DAB1: variants seen among roughly 807,000 people sequenced by gnomAD.
The protein encoded by DAB1 is disabled homolog 1.
DAB1 carries 15 observed loss-of-function variants against 64.6 expected under a neutral mutation model. The observed-to-expected ratio is 0.23, with a 90% confidence interval of 0.16 to 0.36. The LOEUF (loss-of-function observed/expected upper bound fraction) is 0.36, where lower values mean the gene tolerates loss of function less well. Ranked by LOEUF, DAB1 falls within the 10% of genes least tolerant of loss-of-function variation. The pLI is 1.00. For synonymous variants in DAB1, 235 were observed against 251.9 expected, an observed-to-expected ratio of 0.93 and a Z score of 0.64; for missense variants, 596 against 706.7, an observed-to-expected ratio of 0.84 and a Z score of 1.78.
At chr1:57,142,853 C>T (rs960758176) in intron 3 of DAB1, among the ~76,000 whole-genome samples, 5 of 152,122 alleles carry the variant, frequency 3.3e-5, no homozygotes, top group African/African-American at 4.8e-5. Flanking sequence ...TCCTCCTCAG[C>T]AGATTTGTGG....
intron 14 of DAB1, among the ~76,000 whole-genome samples, chr1:57,007,880 T>C (rs940525113): frequency 1.3e-5 from 2 of 152,120 alleles, no homozygotes; most frequent in Non-Finnish European, 2.9e-5. Context: ...AAATTTTCAG[T>C]TGGGTGGATG....
At chr1:57,553,476 G>GAAA (rs2101483480) in intron 7 of DAB1, among the ~76,000 whole-genome samples, 1 of 69,452 alleles carries the variant, frequency 1.4e-5, no homozygotes, top group South Asian at 7.6e-4. Flanking sequence ...GGGAAAGAAA[G>GAAA]GAAGGAAGGA....
intron 7 of DAB1, among the ~76,000 whole-genome samples, chr1:57,491,038 G>A (rs551030309): frequency 3.7e-4 from 56 of 152,270 alleles, no homozygotes; most frequent in Admixed American, 1.0e-3. Flanking sequence ...CATAGGCTTC[G>A]GATCCAATTC....
chr1:58,358,434 A>T (rs1300040199), intron 3 of DAB1, among the ~76,000 whole-genome samples: 1 of 152,230 alleles, frequency 6.6e-6, no homozygotes, highest in Non-Finnish European at 1.5e-5. Flanking sequence ...AAGCACTGCC[A>T]CCAACATCTA....
chr1:58,336,928 C>A (rs555059171), intron 4 of DAB1, among the ~76,000 whole-genome samples: 1 of 152,010 alleles, frequency 6.6e-6, no homozygotes, highest in East Asian at 1.9e-4. Flanking sequence ...GAATGCAGTG[C>A]CTAAAACTTG....
At chr1:58,064,215 T>C (rs1164697510) in intron 5 of DAB1, among the ~76,000 whole-genome samples, 1 of 152,148 alleles carries the variant, frequency 6.6e-6, no homozygotes, top group Non-Finnish European at 1.5e-5. Context: ...ACAAACTATT[T>C]GCTGGGACCA....
chr1:57,991,040 G>A (rs545531839), intron 5 of DAB1, among the ~76,000 whole-genome samples: 34 of 152,150 alleles, frequency 2.2e-4, no homozygotes, highest in Non-Finnish European at 4.6e-4. Flanking sequence ...TGATGCCATC[G>A]TCAATTCTCA....
At chr1:57,079,145 T>C (rs1462685220) in intron 4 of DAB1, among the ~76,000 whole-genome samples, 2 of 152,198 alleles carry the variant, frequency 1.3e-5, no homozygotes, top group East Asian at 1.9e-4. Flanking sequence ...TATGTGTACA[T>C]AACAAGAGTT....
intron 1 of DAB1, among the ~76,000 whole-genome samples, chr1:57,407,618 C>T (rs554738212): frequency 2.0e-5 from 3 of 152,160 alleles, no homozygotes; most frequent in African/African-American, 4.8e-5. Flanking sequence ...ATTTTTCGGC[C>T]GAGGCCCAGA....
At chr1:57,368,295 T>G (rs1228092690) in intron 1 of DAB1, among the ~76,000 whole-genome samples, 1 of 152,196 alleles carries the variant, frequency 6.6e-6, no homozygotes, top group East Asian at 1.9e-4. Context: ...GACAGGTTCC[T>G]GGGCAAAAGG....
At chr1:57,361,933 T>C (rs887396822) in intron 1 of DAB1, among the ~76,000 whole-genome samples, 2 of 152,278 alleles carry the variant, frequency 1.3e-5, no homozygotes. Context: ...TATAAATATA[T>C]GTATAAGATA....
chr1:58,351,741 T>C (rs1644060336), intron 3 of DAB1, among the ~76,000 whole-genome samples: 2 of 150,370 alleles, frequency 1.3e-5, no homozygotes, highest in South Asian at 4.3e-4. Context: ...AAAAGGAAAA[T>C]TTCAGATTTA....
intron 2 of DAB1, among the ~76,000 whole-genome samples, chr1:58,518,921 TGAG>T (rs1241079920): frequency 6.6e-6 from 1 of 152,134 alleles, no homozygotes; most frequent in Non-Finnish European, 1.5e-5. Context: ...TGAGAAAAGT[TGAG>T]GCACAAAAAG....
chr1:57,565,952 C>T (rs1432705797), intron 7 of DAB1, among the ~76,000 whole-genome samples: 1 of 152,206 alleles, frequency 6.6e-6, no homozygotes, highest in Non-Finnish European at 1.5e-5. Context: ...GAACTCTCCA[C>T]CCCAAATCAA....
At chr1:57,736,149 A>G (rs1015891679) in intron 6 of DAB1, among the ~76,000 whole-genome samples, 1 of 152,190 alleles carries the variant, frequency 6.6e-6, no homozygotes, top group Admixed American at 6.5e-5. Flanking sequence ...TTCTTGGGCT[A>G]CATAGGAAGA....
At chr1:57,953,323 A>G (rs1472780361) in intron 5 of DAB1, among the ~76,000 whole-genome samples, 1 of 152,202 alleles carries the variant, frequency 6.6e-6, no homozygotes, top group Non-Finnish European at 1.5e-5. Flanking sequence ...TGGAAACTAC[A>G]TACTTGACCT....
intron 4 of DAB1, among the ~76,000 whole-genome samples, chr1:58,168,973 G>A (rs1465804500): frequency 1.3e-5 from 2 of 152,142 alleles, no homozygotes; most frequent in African/African-American, 4.8e-5. Context: ...GCAGGTTTTC[G>A]AGAATGCATT....
chr1:57,402,418 T>G (rs1683318428), intron 1 of DAB1, among the ~76,000 whole-genome samples: 1 of 152,228 alleles, frequency 6.6e-6, no homozygotes, highest in Admixed American at 6.5e-5. Flanking sequence ...AAAGATGTGA[T>G]ATGTTACAGT....
rs895584749 is a variant in DAB1, at chr1:58,287,512, G to A, written n.309+55840C>T. Among the ~76,000 whole-genome samples the A allele has an allele frequency of 5.3e-5, 8 of 152,168 alleles. 1 individual carries two copies. The South Asian group carries it at 8.3e-4, about 16-fold the overall frequency. On this transcript the variant is annotated intron_variant and non_coding_transcript_variant, in intron 4 of 20. Transcript: ENST00000485760. ...ATGAGATGGCTTGCTCTCATGGTTCGCAGTTGATACTGGCTGCTGCTCAGG... is the reference window on the plus strand; with the variant it reads ...ATGAGATGGCTTGCTCTCATGGTTCACAGTTGATACTGGCTGCTGCTCAGG...
Sources: gnomAD v4.1 joint callset for allele counts (sites outside exome capture counted in the v4.1 genomes callset) on GRCh38, gnomAD v4.1.1 for gene constraint, MANE v1.5 for transcripts, NCBI Gene and HGNC (gene_info 2026-07-23, HGNC 2026-07-21) for gene names.